Variants in SDHA observed in about 807,000 individuals in gnomAD.
SDHA encodes the protein succinate dehydrogenase [ubiquinone] flavoprotein subunit, mitochondrial.
A neutral mutation model predicts 78.4 loss-of-function variants in SDHA; 48 were observed. The observed-to-expected ratio is 0.61, with a 90% CI of 0.49 to 0.78. The LOEUF is 0.78. Ranked by LOEUF, SDHA falls within the 30% of genes least tolerant of loss-of-function variation. The probability of loss-of-function intolerance (pLI) is 0.00; values close to 1 mark genes in which losing one functional copy is unlikely to be tolerated. For missense variants in SDHA, 680 were observed against 892.7 expected (o/e 0.76, Z 3.04); for synonymous variants, 326 against 353.9 (o/e 0.92, Z 0.88).
chr5:231,598 G>A (rs926444896), intron 7 of SDHA, among the ~76,000 whole-genome samples: 2 of 151,362 alleles, frequency 1.3e-5, no homozygotes, highest in Non-Finnish European at 2.9e-5. Context: ...GGATTGTTCA[G>A]TGTCCCTCTT....
At chr5:233,039 A>G (rs1322695404) in intron 7 of SDHA, among the ~76,000 whole-genome samples, 2 of 152,242 alleles carry the variant, frequency 1.3e-5, no homozygotes, top group African/African-American at 4.8e-5. Flanking sequence ...TGCAGTGTAA[A>G]TATTATCTAA....
rs748831715 is a variant in SDHA at position 228,218 on chromosome 5, T to C, written c.655T>C (p.Tyr219His). 1 of 1,613,790 alleles carries C rather than the reference T, an allele frequency of 6.2e-7. No individual in the cohort carries two copies. The highest frequency in any genetic ancestry group is 8.5e-7 in the Non-Finnish European group (1 of 1,179,832). ...LRYDTSYFVE[Y>H]FALDLLMENG... ...ATATGATACCAGCTATTTTGTGGAG[T>C]ATTTTGCCTTGGATCTCCTGATGGA... is the stretch of plus-strand genomic sequence containing the variant. The change falls in exon 6 of 15, where the codon TAT (tyrosine) becomes CAT (histidine). Residue 219 changes from tyrosine to histidine, a missense_variant. Tyr to His is a moderately conservative substitution (Grantham distance 83, BLOSUM62 2). Transcript: ENST00000264932.
rs761439960 is a variant in SDHA at position 251,489 on chromosome 5, C to T, written c.1794+21C>T. The T allele has an allele frequency of 1.9e-6, 3 of 1,613,790 alleles. No individual in the cohort carries two copies. The South Asian group carries it at 3.3e-5, about 18-fold the overall frequency. On this transcript the variant is annotated intron_variant, in intron 13 of 14. Coordinates refer to ENST00000264932, the MANE Select transcript of SDHA (RefSeq NM_004168.4). ...ACAAGGTGGGCCTTCTCACCACGCC[C>T]ACCTGCACCTGCCTTTTCCTGCCAC...
rs775847689 is a variant in SDHA at position 218,373 on chromosome 5, C to A, written c.18C>A (p.Gly6=). Residue 6 remains glycine, a synonymous_variant, in exon 1 of 15, where the codon GGC becomes GGA. Transcript: ENST00000264932. ...CAGCAGACATGTCGGGGGTCCGGGG[C>A]CTGTCGCGGCTGCTGAGCGCTCGGC... The part of the protein sequence containing the change: MSGVR[G]LSRLLSARRL... The A allele has an allele frequency of 5.5e-6, 8 of 1,457,106 alleles. No individual in the cohort carries two copies. The highest frequency in any genetic ancestry group is 7.2e-6 in the Non-Finnish European group (8 of 1,113,456). The allele number at this position is 1,457,106 out of a possible 1,614,324, so 90.3% of individuals were successfully genotyped here.
intron 11 of SDHA, chr5:250,766 G>A (rs1736767577): frequency 1.9e-6 from 1 of 516,030 alleles, no homozygotes; most frequent in South Asian, 2.0e-5. Flanking sequence ...ATGTGTGTGG[G>A]TCTAAGATGT....
intron 10 of SDHA, among the ~76,000 whole-genome samples, 159 bp from the exon 11 acceptor site, chr5:240,199 C>T (rs1453630628): frequency 6.6e-6 from 1 of 152,196 alleles, no homozygotes; most frequent in Non-Finnish European, 1.5e-5. Flanking sequence ...AACAGATGGC[C>T]TCAGCTGTAG....
intron 13 of SDHA, 23 bp from the exon 14 acceptor site, chr5:254,370 C>G: frequency 6.4e-7 from 1 of 1,567,246 alleles, no homozygotes; most frequent in Non-Finnish European, 8.7e-7. Flanking sequence ...TAATAAGAAA[C>G]GTGATGGTGT....
At chr5:218,915 G>C (rs1381215037) in intron 1 of SDHA, among the ~76,000 whole-genome samples, 5 of 152,224 alleles carry the variant, frequency 3.3e-5, no homozygotes, top group Non-Finnish European at 7.4e-5. Flanking sequence ...GAGACCGCCC[G>C]GGTGGGTGCG....
At chr5:233,999 G>C (rs1391873406) in intron 8 of SDHA, 1 of 322,948 alleles carries the variant, frequency 3.1e-6, no homozygotes, top group Non-Finnish European at 6.0e-6. Context: ...AAGTGTGTGG[G>C]TTATTTGGCT....
At chr5:231,858 G>C (rs1291672935) in intron 7 of SDHA, among the ~76,000 whole-genome samples, 1 of 152,208 alleles carries the variant, frequency 6.6e-6, no homozygotes, top group East Asian at 1.9e-4. Context: ...TGGGCGCTGG[G>C]CTCAGCCCAC....
At chr5:257,638 C>G (rs1417305064), downstream of SDHA, among the ~76,000 whole-genome samples, 1 of 120,042 alleles carries the variant, frequency 8.3e-6, no homozygotes, top group African/African-American at 4.5e-5. Context: ...TGGGTGAGCT[C>G]CACCCCCTGC....
At chr5:256,136 G>T (rs374440872) in intron 14 of SDHA, among the ~76,000 whole-genome samples, 198 bp from the exon 15 acceptor site, 1 of 152,128 alleles carries the variant, frequency 6.6e-6, no homozygotes, top group Non-Finnish European at 1.5e-5. Context: ...GGAAGTAGAT[G>T]GTTTAAACAT....
intron 14 of SDHA, 60 bp downstream of exon 14, chr5:254,566 C>T (rs1479786257): frequency 9.6e-5 from 143 of 1,492,246 alleles, no homozygotes; most frequent in Admixed American, 1.4e-4. Context: ...CCCAGGCCTG[C>T]GGGCTGGCCT....
At chr5:243,401 T>A (rs1239524551) in intron 11 of SDHA, among the ~76,000 whole-genome samples, 1 of 152,190 alleles carries the variant, frequency 6.6e-6, no homozygotes, top group Non-Finnish European at 1.5e-5. Flanking sequence ...TGGGCAGTTG[T>A]AGCTTCCATT....
At chr5:222,978 C>T (rs781493537) in intron 1 of SDHA, among the ~76,000 whole-genome samples, 16 of 152,140 alleles carry the variant, frequency 1.1e-4, no homozygotes, top group Admixed American at 1.3e-4. Flanking sequence ...TTTTACTGTT[C>T]CAGGATACAG....
At chr5:257,279 C>T (rs1478941031), downstream of SDHA, among the ~76,000 whole-genome samples, 14 of 152,112 alleles carry the variant, frequency 9.2e-5, no homozygotes, top group Non-Finnish European at 1.8e-4. Context: ...GGAACCAGGC[C>T]GCACAGTAGG....
intron 8 of SDHA, 193 bp from the exon 9 acceptor site, chr5:234,951 C>T (rs1380638618): frequency 6.0e-6 from 4 of 663,348 alleles, no homozygotes; most frequent in Non-Finnish European, 1.1e-5. Context: ...TCAGCTGTGT[C>T]CCAGCACCTG....
intron 6 of SDHA, among the ~76,000 whole-genome samples, chr5:228,951 A>T (rs971361241): frequency 1.3e-5 from 2 of 152,216 alleles, no homozygotes; most frequent in African/African-American, 4.8e-5. Context: ...AAAAATGGGC[A>T]AAGGACTTGA....
At position 240,496 on chromosome 5, in the gene SDHA, C is replaced by G; in HGVS notation, c.1551+20C>G. 6.7e-7 allele frequency: 1 copy of G among 1,494,300 alleles called. No homozygotes were observed. Among genetic ancestry groups the G allele is most frequent in the Non-Finnish European group, 9.3e-7 (1 of 1,073,516 alleles). The allele number at this position is 1,494,300 out of a possible 1,614,324, so 92.6% of individuals were successfully genotyped here. On this transcript the variant is annotated intron_variant, in intron 11 of 14. Transcript: ENST00000264932. ...CAGAAGGTAAGAGCCTGGACTCGCTCTGGAGTGAGCAGGAGGGCTGCATAC... is the reference window on the plus strand; with the variant it reads ...CAGAAGGTAAGAGCCTGGACTCGCTGTGGAGTGAGCAGGAGGGCTGCATAC...
Sources: gnomAD v4.1 joint callset for allele counts (sites outside exome capture counted in the v4.1 genomes callset) on GRCh38, gnomAD v4.1.1 for gene constraint, MANE v1.5 for transcripts, NCBI Gene and HGNC (gene_info 2026-07-23, HGNC 2026-07-21) for gene names.